Variants in ARHGEF3 observed in about 807,000 individuals in gnomAD.
ARHGEF3 encodes the protein Rho guanine nucleotide exchange factor 3, also known as 59.8 kDA protein.
A neutral mutation model predicts 63.2 loss-of-function variants in ARHGEF3; 28 were observed. The ratio of observed to expected loss-of-function variants is 0.44; its 90% confidence interval spans 0.33 to 0.61. ARHGEF3 has a LOEUF of 0.61. ARHGEF3 is among the 20% of genes least tolerant of loss of function. The probability of loss-of-function intolerance (pLI) is 0.03; values close to 1 mark genes in which losing one functional copy is unlikely to be tolerated. For synonymous variants in ARHGEF3, 266 were observed against 254.2 expected (o/e 1.05, Z -0.44); for missense variants, 533 against 659.3 (o/e 0.81, Z 2.10).
chr3:57,038,380 C>G (rs1442797970), intron 1 of ARHGEF3, among the ~76,000 whole-genome samples: 1 of 152,166 alleles, frequency 6.6e-6, no homozygotes, highest in Non-Finnish European at 1.5e-5. Flanking sequence ...AGGTGATACT[C>G]TCGGATCCCT....
rs1324949178 is a variant in ARHGEF3, at chr3:56,801,801, C to A, written c.-3G>T. The A allele has an allele frequency of 1.9e-6, 3 of 1,558,360 alleles. No homozygotes were observed. Among genetic ancestry groups the A allele is most frequent in the South Asian group, 2.4e-5 (2 of 84,554 alleles). ...AAGGGGTAATCCTTGGCCACCATGG[C>A]GGCTGCCGGGCCTGCCCTTTGGGAT... On this transcript the variant is annotated 5_prime_UTR_variant, in exon 1 of 10. Coordinates refer to ENST00000296315, the MANE Select transcript of ARHGEF3 (RefSeq NM_019555.3).
chr3:57,034,216 C>T (rs911852703), intron 2 of ARHGEF3, among the ~76,000 whole-genome samples: 25 of 151,146 alleles, frequency 1.7e-4, no homozygotes, highest in African/African-American at 5.3e-4. Context: ...GCACTTCAGC[C>T]TTAAACTCCT....
chr3:57,024,816 C>T (rs866716386), intron 2 of ARHGEF3, among the ~76,000 whole-genome samples: 7 of 152,336 alleles, frequency 4.6e-5, no homozygotes, highest in South Asian at 4.1e-4. Context: ...AAATGCTTAT[C>T]CTTGTTAATA....
At chr3:56,948,896 T>C (rs1251189835) in intron 3 of ARHGEF3, among the ~76,000 whole-genome samples, 3 of 151,926 alleles carry the variant, frequency 2.0e-5, no homozygotes, top group Non-Finnish European at 4.4e-5. Context: ...ACTGGCAAAC[T>C]GAATCCAGCA....
At chr3:57,067,374 G>C (rs1705602691) in intron 1 of ARHGEF3, among the ~76,000 whole-genome samples, 1 of 151,456 alleles carries the variant, frequency 6.6e-6, no homozygotes, top group South Asian at 2.1e-4. Flanking sequence ...AGAATGGCGT[G>C]AACCCAGGAG....
At chr3:56,968,199 TATATAAAAATATATATTATATATAA>T (rs1700711937) in intron 2 of ARHGEF3, among the ~76,000 whole-genome samples, 3 of 23,958 alleles carry the variant, frequency 1.3e-4, no homozygotes, top group Admixed American at 1.1e-3. Flanking sequence ...TTATATATAA[TATATAAAAATATATATTATATATAA>T]TATATATATA....
intron 4 of ARHGEF3, among the ~76,000 whole-genome samples, chr3:56,837,046 A>G (rs1360690693): frequency 6.6e-6 from 1 of 152,200 alleles, no homozygotes; most frequent in African/African-American, 2.4e-5. Flanking sequence ...TGCGGCATGA[A>G]TTCATGCTTT....
In ARHGEF3 at chr3:56,985,454, C is replaced by T. The variant is rs549805735; in HGVS notation, c.63-26565G>A. 1.2e-4 allele frequency among the ~76,000 whole-genome samples: 19 copies of T among 152,356 alleles called. No homozygotes were observed. The South Asian group carries it at 3.7e-3, about 30-fold the overall frequency. ...TAAAAATCACTGCTGCTCAGACTGT[C>T]CTGGCACTGGGGCAGCCAGAATAGC... On this transcript the variant is annotated intron_variant, in intron 2 of 12. Transcript: ENST00000338458.
At position 57,043,504 on chromosome 3, in the gene ARHGEF3, A is replaced by C. The variant is rs115986632; in HGVS notation, c.-27-8328T>G. ...TGTTTCAAAGTTAAAAAAAAAAAAA[A>C]AACCCTGAGCATTACAGTATAATGT... On this transcript the variant is annotated intron_variant, in intron 1 of 12. Transcript: ENST00000338458. Among the ~76,000 whole-genome samples, 782 of 152,100 alleles carry C rather than the reference A, an allele frequency of 5.1e-3. 6 individuals carry two copies. The highest frequency in any genetic ancestry group is 0.018 in the African/African-American group (742 of 41,430).
At chr3:56,946,271 G>A (rs1188439137) in intron 3 of ARHGEF3, among the ~76,000 whole-genome samples, 1 of 152,224 alleles carries the variant, frequency 6.6e-6, no homozygotes, top group Non-Finnish European at 1.5e-5. Context: ...GAACAAAGCT[G>A]GATGGAGAAT....
intron 4 of ARHGEF3, among the ~76,000 whole-genome samples, chr3:56,824,346 A>C (rs1229842612): frequency 6.6e-6 from 1 of 152,224 alleles, no homozygotes; most frequent in Non-Finnish European, 1.5e-5. Context: ...TAGTAATAGT[A>C]ATCATAAATG....
intron 4 of ARHGEF3, among the ~76,000 whole-genome samples, chr3:56,840,801 AC>A (rs747740424): frequency 6.6e-5 from 10 of 152,360 alleles, no homozygotes; most frequent in Middle Eastern, 3.4e-3. Context: ...AATTAAAAAA[AC>A]AATTTCATTT....
At chr3:56,740,792 T>C (rs1289089850) in intron 7 of ARHGEF3, among the ~76,000 whole-genome samples, 2 of 152,230 alleles carry the variant, frequency 1.3e-5, no homozygotes, top group African/African-American at 2.4e-5. Flanking sequence ...CAGGTGTACC[T>C]GGACAGCCGG....
At chr3:56,967,353 TATA>T (rs1357975065) in intron 2 of ARHGEF3, among the ~76,000 whole-genome samples, 28 of 101,134 alleles carry the variant, frequency 2.8e-4, no homozygotes, top group Non-Finnish European at 3.4e-4. Flanking sequence ...TCATATATTA[TATA>T]ATATTATATT....
chr3:57,005,032 A>G (rs1702415829), intron 2 of ARHGEF3, among the ~76,000 whole-genome samples: 1 of 151,822 alleles, frequency 6.6e-6, no homozygotes, highest in African/African-American at 2.4e-5. Flanking sequence ...AAAAAAGGAA[A>G]GTCTTCCTCT....
chr3:56,978,109 G>A (rs969250361), intron 2 of ARHGEF3, among the ~76,000 whole-genome samples: 6 of 152,150 alleles, frequency 3.9e-5, no homozygotes, highest in Non-Finnish European at 2.9e-5. Context: ...CCCCCGCCCC[G>A]TACTAGGCTA....
intron 1 of ARHGEF3, among the ~76,000 whole-genome samples, chr3:57,051,702 G>A (rs1704676898): frequency 6.6e-6 from 1 of 151,870 alleles, no homozygotes; most frequent in African/African-American, 2.4e-5. Flanking sequence ...GGTGGCTCAC[G>A]CCTGTAATCT....
intron 2 of ARHGEF3, among the ~76,000 whole-genome samples, chr3:56,981,720 G>A (rs1300310074): frequency 6.6e-6 from 1 of 152,208 alleles, no homozygotes; most frequent in Non-Finnish European, 1.5e-5. Context: ...ACCTGGCCAA[G>A]CTCACATGGT....
intron 4 of ARHGEF3, among the ~76,000 whole-genome samples, chr3:56,809,522 A>G (rs1342316458): frequency 6.6e-6 from 1 of 152,116 alleles, no homozygotes; most frequent in Non-Finnish European, 1.5e-5. Flanking sequence ...GTCTCACTGA[A>G]GATTTTGCAG....
Sources: gnomAD v4.1 joint callset for allele counts (sites outside exome capture counted in the v4.1 genomes callset) on GRCh38, gnomAD v4.1.1 for gene constraint, MANE v1.5 for transcripts, NCBI Gene and HGNC (gene_info 2026-07-23, HGNC 2026-07-21) for gene names.